Variants in RUBCNL observed in about 807,000 individuals in gnomAD.
RUBCNL encodes the protein rubicon like autophagy enhancer, also known as protein associated with UVRAG as autophagy enhancer.
In RUBCNL, 62 loss-of-function variants were observed where a neutral mutation model predicts 69.5. That is an observed-to-expected ratio of 0.89 (90% CI 0.73 to 1.10). The LOEUF is 1.10. Ranked by LOEUF, RUBCNL falls within the 50% of genes least tolerant of loss-of-function variation. The pLI, the probability that RUBCNL is intolerant of heterozygous loss-of-function variation, is 0.00. For missense variants in RUBCNL, 768 were observed against 798.1 expected (o/e 0.96, Z 0.45); for synonymous variants, 291 against 303.6 (o/e 0.96, Z 0.43).
At position 46,344,761 on chromosome 13, in the gene RUBCNL, G is replaced by C; in HGVS notation, c.1856C>G (p.Ala619Gly). Residue 619 changes from alanine to glycine, a missense_variant, in exon 14 of 15, where the codon GCA becomes GGA. Transcript: ENST00000429979. ...NTTVIFPFQTATCRRCSACRA... is the reference protein window; with the variant it reads ...NTTVIFPFQTGTCRRCSACRA... ...AATACCTGAACATCTTCTACATGTT[G>C]CTGTCTGAAATGGGAAGATGACAGT... The C allele has an allele frequency of 1.2e-6, 2 of 1,609,032 alleles. No individual in the cohort carries two copies. The highest frequency in any genetic ancestry group is 2.2e-5 in the East Asian group (1 of 44,816).
At chr13:46,388,612 T>G (rs2049300842), upstream of RUBCNL, among the ~76,000 whole-genome samples, 2 of 152,202 alleles carry the variant, frequency 1.3e-5, no homozygotes, top group Admixed American at 1.3e-4. Context: ...GTGCCCTGAC[T>G]TCTCCCGGGG....
At position 46,372,303 on chromosome 13, in the gene RUBCNL, T is replaced by A; in HGVS notation, c.173A>T (p.Asp58Val). 1 of 1,613,988 alleles carries A rather than the reference T, an allele frequency of 6.2e-7. No homozygotes were observed. Among genetic ancestry groups the A allele is most frequent in the Non-Finnish European group, 8.5e-7 (1 of 1,179,884 alleles). ...CAAGTCCTGCGGCTGTTGCTGCACATCCTGGGGGTTAATCCAGACAGCTTT... is the reference window on the plus strand; with the variant it reads ...CAAGTCCTGCGGCTGTTGCTGCACAACCTGGGGGTTAATCCAGACAGCTTT... ...RHKAVWINPQ[D>V]VQQQPQDLQS... is the part of the protein sequence containing the mutation. The change falls in exon 3 of 15, where the codon GAT becomes GTT. Residue 58 changes from aspartate (D) to valine (V), a missense_variant. Physicochemically the swap from Asp to Val is radical, Grantham distance 152. Coordinates refer to ENST00000429979, the MANE Select transcript of RUBCNL (RefSeq NM_025113.5).
chr13:46,335,254 GTT>G lies in RUBCNL; in HGVS notation c.*8129_*8130del. ...TAATTTGTGTCTTTTTGTTGTTGTT[GTT>G]GTTGTTTTTTTTTTTTTTTTTTTTT... is the stretch of plus-strand genomic sequence containing the variant. On this transcript the variant is annotated 3_prime_UTR_variant, in exon 15 of 15. Coordinates refer to ENST00000429979, the MANE Select transcript of RUBCNL (RefSeq NM_025113.5). Among the ~76,000 whole-genome samples, 1 of 107,250 alleles carries G rather than the reference GTT, an allele frequency of 9.3e-6. No individual in the cohort carries two copies. The highest frequency in any genetic ancestry group is 2.5e-4 in the East Asian group (1 of 3,922). The allele number at this position is 107,250 out of a possible 152,430, so 70.4% of individuals were successfully genotyped here.
At chr13:46,343,678 G>C (rs1031726247) in intron 14 of RUBCNL, among the ~76,000 whole-genome samples, 181 bp from the exon 15 acceptor site, 1 of 152,058 alleles carries the variant, frequency 6.6e-6, no homozygotes, top group Non-Finnish European at 1.5e-5. Context: ...CAGACCTGTT[G>C]GACTCTTCCA....
At chr13:46,358,043 A>G (rs1367531591) in intron 9 of RUBCNL, among the ~76,000 whole-genome samples, 1 of 152,220 alleles carries the variant, frequency 6.6e-6, no homozygotes, top group Non-Finnish European at 1.5e-5. Flanking sequence ...TGGCCAAGGT[A>G]AAAATATGCT....
chr13:46,371,054 C>T (rs2048865172), intron 3 of RUBCNL, among the ~76,000 whole-genome samples: 3 of 152,158 alleles, frequency 2.0e-5, no homozygotes, highest in African/African-American at 7.2e-5. Context: ...AGACTGTCAT[C>T]ATCTTTGATT....
In RUBCNL at chr13:46,362,555, G is replaced by A. The variant is rs1432781734; in HGVS notation, c.969C>T (p.Ser323=). 2 of 1,609,158 alleles carry A rather than the reference G, an allele frequency of 1.2e-6. No homozygotes were observed. The highest frequency in any genetic ancestry group is 1.7e-5 in the Admixed American group (1 of 59,514). The change falls in exon 7 of 15, where the codon TCC becomes TCT. Residue 323 remains serine (S), a synonymous_variant. Transcript: ENST00000429979. ...FNDITETCSC[S]CSSSKSVTYE... ...ACAGATACCTCTTAGAGGAGCTGCA[G>A]GAACAGCTACAGGTTTCTGTGATAT... is the stretch of plus-strand genomic sequence containing the variant.
intron 1 of RUBCNL, among the ~76,000 whole-genome samples, chr13:46,379,027 T>C (rs971451791): frequency 3.3e-5 from 5 of 152,204 alleles, no homozygotes; most frequent in Non-Finnish European, 7.3e-5. Flanking sequence ...ACAAATCTCA[T>C]TGTATCTAAC....
chr13:46,343,208 T>G lies in RUBCNL; in HGVS notation c.*177A>C. 1 of 1,070,124 alleles carries G rather than the reference T, an allele frequency of 9.3e-7. No homozygotes were observed. Among genetic ancestry groups the G allele is most frequent in the Non-Finnish European group, 1.3e-6 (1 of 754,938 alleles). 66.3% of individuals were successfully genotyped at this position (1,070,124 alleles called of 1,614,324 possible). On this transcript the variant is annotated 3_prime_UTR_variant, in exon 15 of 15. Transcript: ENST00000429979. ...AAAACCACAACTATCAGCCCTGTGC[T>G]TAAACACAGAATCTGCATTCTTTTG...
intron 10 of RUBCNL, among the ~76,000 whole-genome samples, chr13:46,353,435 A>AC (rs1362822761): frequency 2.6e-5 from 4 of 152,208 alleles, no homozygotes; most frequent in African/African-American, 9.6e-5. Flanking sequence ...TACTATCAAT[A>AC]CAGAATACAC....
upstream of RUBCNL, chr13:46,387,871 TAGG>T: frequency 1.0e-6 from 1 of 984,816 alleles, no homozygotes; most frequent in Admixed American, 6.1e-5. Context: ...ATGGTGGTGC[TAGG>T]AGAACCTGCC....
intron 7 of RUBCNL, 50 bp from the exon 8 acceptor site, chr13:46,361,623 T>A: frequency 6.5e-7 from 1 of 1,543,780 alleles, no homozygotes. Context: ...ATGAGGAGTA[T>A]GTTCAGGGTC....
chr13:46,379,257 G>A (rs1242542740), intron 1 of RUBCNL, among the ~76,000 whole-genome samples: 1 of 151,986 alleles, frequency 6.6e-6, no homozygotes. Flanking sequence ...TTAGTATTCT[G>A]TAGAGACAGG....
rs2048093851 is a variant in RUBCNL, at chr13:46,334,874, A to T, written c.*8511T>A. ...AAATCACAGGACTAGAAGTGAAAGG[A>T]TCCAAGTGCTTCTGGCTCTAAATTC... On this transcript the variant is annotated 3_prime_UTR_variant, in exon 15 of 15. Transcript: ENST00000429979. Among the ~76,000 whole-genome samples, 1 of 152,196 alleles carries T rather than the reference A, an allele frequency of 6.6e-6. No homozygotes were observed.
intron 10 of RUBCNL, among the ~76,000 whole-genome samples, chr13:46,354,266 C>A (rs2048434347): frequency 1.3e-5 from 2 of 152,110 alleles, no homozygotes; most frequent in South Asian, 4.1e-4. Flanking sequence ...CTGGTGAAAT[C>A]TGAATAAAGC....
chr13:46,388,722 C>A (rs546814079), upstream of RUBCNL, among the ~76,000 whole-genome samples: 2 of 152,238 alleles, frequency 1.3e-5, no homozygotes, highest in Admixed American at 6.5e-5. Flanking sequence ...TCCCGTTGCA[C>A]TTTCCTGGGT....
chr13:46,378,849 G>A (rs1403712645), intron 1 of RUBCNL, among the ~76,000 whole-genome samples: 1 of 152,134 alleles, frequency 6.6e-6, no homozygotes, highest in Non-Finnish European at 1.5e-5. Context: ...GATTTTCTAT[G>A]CCCCAATACT....
Position 46,344,813 on chromosome 13 carries a change from A to G in RUBCNL, c.1804T>C (p.Phe602Leu), listed in dbSNP as rs2048209430. Residue 602 changes from phenylalanine (F) to leucine (L), a missense_variant, in exon 14 of 15, where the codon TTT (phenylalanine) becomes CTT (leucine). By Grantham distance (22) the Phe-to-Leu change is conservative. Coordinates refer to ENST00000429979, the MANE Select transcript of RUBCNL (RefSeq NM_025113.5). The part of the protein sequence containing the change: ...AGCELCQGKG[F>L]ICEFCQNTTV... Reference sequence around the variant, plus strand: ...GTATTCTGGCAAAATTCACAAATAAAGCCCTTTCCTTGACACAGCTGTAAA... The same window carrying G: ...GTATTCTGGCAAAATTCACAAATAAGGCCCTTTCCTTGACACAGCTGTAAA... 6.2e-7 allele frequency: 1 copy of G among 1,611,294 alleles called. No individual in the cohort carries two copies. The highest frequency in any genetic ancestry group is 1.3e-5 in the African/African-American group (1 of 75,008).
chr13:46,368,177 G>A lies in RUBCNL; in HGVS notation c.691C>T (p.Gln231Ter), dbSNP rs1256519075. 6.2e-7 allele frequency: 1 copy of A among 1,613,912 alleles called. No individual in the cohort carries two copies. The highest frequency in any genetic ancestry group is 1.7e-5 in the Admixed American group (1 of 60,016). ...MEKMKCNILS[Q>*]QQTESWSKEV... Reference sequence around the variant, plus strand: ...TTACTCCAGCTCTCTGTCTGCTGTTGACTCAGAATGTTACACTTCATTTTC... The same window carrying A: ...TTACTCCAGCTCTCTGTCTGCTGTTAACTCAGAATGTTACACTTCATTTTC... Residue 231 changes from glutamine to a stop codon, truncating the protein, a stop_gained, in exon 5 of 15, where the codon CAA becomes TAA. Transcript: ENST00000429979. LOFTEE classifies it high-confidence loss of function.
Sources: gnomAD v4.1 joint callset for allele counts (sites outside exome capture counted in the v4.1 genomes callset) on GRCh38, gnomAD v4.1.1 for gene constraint, MANE v1.5 for transcripts, NCBI Gene and HGNC (gene_info 2026-07-23, HGNC 2026-07-21) for gene names.